Variants in OTUD7A observed in about 807,000 individuals in gnomAD.
The protein encoded by OTUD7A is OTU deubiquitinase 7A.
In OTUD7A, 12 loss-of-function variants were observed where a neutral mutation model predicts 65.7. That is an observed-to-expected ratio of 0.18 (90% confidence interval 0.12 to 0.30). The LOEUF (loss-of-function observed/expected upper bound fraction) is 0.30, where lower values mean the gene tolerates loss of function less well. Among genes scored for constraint, OTUD7A ranks in the 10% least tolerant of loss-of-function variants. OTUD7A has a pLI of 1.00. For missense variants in OTUD7A, 1,148 were observed against 1,304.8 expected (o/e 0.88, Z 1.85); for synonymous variants, 641 against 586.3 (o/e 1.09, Z -1.35).
At chr15:31,660,511 T>C (rs1003696509) in intron 1 of OTUD7A, among the ~76,000 whole-genome samples, 8 of 152,252 alleles carry the variant, frequency 5.3e-5, no homozygotes, top group Non-Finnish European at 1.0e-4. Flanking sequence ...AACATTCATA[T>C]GCGTAGAGCA....
rs537529601 is a variant in OTUD7A, at chr15:31,530,789, G to A, written c.570C>T (p.Ser190=). The A allele has an allele frequency of 6.2e-7, 1 of 1,613,886 alleles. No homozygotes were observed. The highest frequency in any genetic ancestry group is 1.1e-5 in the South Asian group (1 of 91,044). ...GCCGTTTACAGCTCGTGCACACAGT[G>A]GACCACCAGTTCAGGCGACCTGGAA... ...LEQAGRLNWW[S]TVCTSCKRLL... Residue 190 remains serine, a synonymous_variant, in exon 6 of 13, where the codon TCC becomes TCT. Transcript: ENST00000307050.
intron 1 of OTUD7A, among the ~76,000 whole-genome samples, chr15:31,699,672 T>C (rs1222274440): frequency 1.3e-5 from 2 of 152,006 alleles, no homozygotes; most frequent in Admixed American, 1.3e-4. Context: ...GGAAGACCAT[T>C]GGAGGCAGCC....
chr15:31,840,942 C>T (rs17604672), intron 1 of OTUD7A, among the ~76,000 whole-genome samples: 2,179 of 152,310 alleles, frequency 0.014, 22 homozygotes, highest in Non-Finnish European at 0.023. Context: ...CACAGTACCA[C>T]GCTGGGAGGG....
Position 31,477,863 on chromosome 15 carries a change from CAAG to C in OTUD7A, c.*5428_*5430del, listed in dbSNP as rs943343391. 3 of 107,214 alleles carry C rather than the reference CAAG, an allele frequency of 2.8e-5. No individual in the cohort carries two copies. The highest frequency in any genetic ancestry group is 6.5e-4 in the East Asian group (2 of 3,058). The allele number at this position is 107,214 out of a possible 1,614,324, so 6.6% of individuals were successfully genotyped here. On this transcript the variant is annotated 3_prime_UTR_variant, in exon 13 of 13. Coordinates refer to ENST00000307050, the MANE Select transcript of OTUD7A (RefSeq NM_001382637.1). ...CAGCACTCAGATGGTGATAGGTGCA[CAAG>C]AAGAAGATGCAGAGAGGTGGGTAGG... is the stretch of plus-strand genomic sequence containing the variant.
At chr15:31,685,471 C>G (rs1892814213) in intron 1 of OTUD7A, among the ~76,000 whole-genome samples, 4 of 151,266 alleles carry the variant, frequency 2.6e-5, no homozygotes. Context: ...CGGTGAAACC[C>G]TGTCTCTACT....
intron 3 of OTUD7A, among the ~76,000 whole-genome samples, chr15:31,639,090 C>T (rs1171966132): frequency 2.0e-5 from 3 of 151,872 alleles, no homozygotes; most frequent in African/African-American, 4.8e-5. Flanking sequence ...GACGAGCTCG[C>T]GCCACCGCAC....
At position 31,642,327 on chromosome 15, in the gene OTUD7A, T is replaced by C. The variant is rs60866840; in HGVS notation, c.151+12769A>G. Among the ~76,000 whole-genome samples, 205 of 152,382 alleles carry C rather than the reference T, an allele frequency of 1.3e-3. 1 individual carries two copies. The highest frequency in any genetic ancestry group is 4.7e-3 in the African/African-American group (195 of 41,602). On this transcript the variant is annotated intron_variant, in intron 3 of 12. Transcript: ENST00000307050. The stretch of plus-strand genomic sequence containing the variant: ...CAAATTCGATTTGCTAAAATCTTTT[T>C]CAGTGTTTTCACACTTTTCTTCATG...
chr15:31,623,768 T>G (rs1487844687), intron 3 of OTUD7A, among the ~76,000 whole-genome samples: 1 of 152,198 alleles, frequency 6.6e-6, no homozygotes, highest in Non-Finnish European at 1.5e-5. Flanking sequence ...CTGCACCCAC[T>G]GTCCTGCACC....
intron 1 of OTUD7A, among the ~76,000 whole-genome samples, chr15:31,738,096 C>T (rs1595737095): frequency 1.3e-5 from 2 of 152,136 alleles, no homozygotes; most frequent in Admixed American, 1.3e-4. Flanking sequence ...TAATTGAGAG[C>T]ATTTTTGTAA....
intron 1 of OTUD7A, among the ~76,000 whole-genome samples, chr15:31,808,137 A>ACACACACACACACAC (rs1555420102): frequency 1.1e-5 from 1 of 91,468 alleles, no homozygotes; most frequent in African/African-American, 3.8e-5. Flanking sequence ...ACACACACAC[A>ACACACACACACACAC]AACAAATCCT....
chr15:31,617,572 A>G (rs763447686), intron 3 of OTUD7A, among the ~76,000 whole-genome samples: 2 of 152,204 alleles, frequency 1.3e-5, no homozygotes, highest in African/African-American at 4.8e-5. Context: ...GAAGGCAGAT[A>G]CACAGGAATA....
intron 1 of OTUD7A, among the ~76,000 whole-genome samples, chr15:31,770,554 G>A (rs978676988): frequency 2.6e-5 from 4 of 152,158 alleles, no homozygotes; most frequent in Admixed American, 2.0e-4. Context: ...AGGGAACACT[G>A]CTCAACTTAT....
rs188600168 is a variant in OTUD7A at position 31,633,835 on chromosome 15, G to A, written c.151+21261C>T. On this transcript the variant is annotated intron_variant, in intron 3 of 12. Transcript: ENST00000307050. The stretch of plus-strand genomic sequence containing the variant: ...ACTCCATCTATCTTGCTCCCCACCC[G>A]CTAGCGAGCACACAGGTCCTGACGG... 8.7e-4 allele frequency among the ~76,000 whole-genome samples: 132 copies of A among 152,224 alleles called. 2 individuals are homozygous for A. In the East Asian group the frequency reaches 0.011, roughly 12 times the overall value.
chr15:31,803,103 C>G (rs1896178886), intron 1 of OTUD7A, among the ~76,000 whole-genome samples: 2 of 152,262 alleles, frequency 1.3e-5, no homozygotes, highest in Middle Eastern at 3.4e-3. Flanking sequence ...GAAAATAACA[C>G]AGTTGAAAAC....
chr15:31,679,678 C>T (rs7177037), intron 1 of OTUD7A, among the ~76,000 whole-genome samples: 8,486 of 152,188 alleles, frequency 0.056, 808 homozygotes, highest in African/African-American at 0.19. Flanking sequence ...GATTGTAAGT[C>T]TCCTGAGGAC....
intron 4 of OTUD7A, among the ~76,000 whole-genome samples, chr15:31,561,426 G>T (rs28709036): frequency 0.23 from 35,151 of 152,054 alleles, 5,237 homozygotes; most frequent in East Asian, 0.67. Context: ...AGGCATTAGA[G>T]AATCGAGGTG....
intron 1 of OTUD7A, among the ~76,000 whole-genome samples, chr15:31,821,303 CTTTTT>C (rs57817074): frequency 8.8e-6 from 1 of 113,204 alleles, no homozygotes; most frequent in Non-Finnish European, 1.7e-5. Flanking sequence ...GCCCAGGTAC[CTTTTT>C]TTTTTTTTTT....
rs571786113 is a variant in OTUD7A, at chr15:31,814,215, G to A, written c.-100+56292C>T. 9.8e-5 allele frequency among the ~76,000 whole-genome samples: 15 copies of A among 152,346 alleles called. No homozygotes were observed. The South Asian group carries it at 2.9e-3, about 29-fold the overall frequency. On this transcript the variant is annotated intron_variant, in intron 1 of 12. Coordinates refer to ENST00000307050, the MANE Select transcript of OTUD7A (RefSeq NM_001382637.1). ...AGCAGACCACCCAACCACTGGCATC[G>A]GCCATGCAAGGGTGCTCTAAAGGAT...
At chr15:31,649,810 G>A (rs1346184372) in intron 3 of OTUD7A, 3 of 422,686 alleles carry the variant, frequency 7.1e-6, no homozygotes, top group Non-Finnish European at 1.5e-5. Context: ...GCTCAGGAAG[G>A]TGGATCACAG....
Sources: gnomAD v4.1 joint callset for allele counts (sites outside exome capture counted in the v4.1 genomes callset) on GRCh38, gnomAD v4.1.1 for gene constraint, MANE v1.5 for transcripts, NCBI Gene and HGNC (gene_info 2026-07-23, HGNC 2026-07-21) for gene names.